Variants in SH2D4B observed in about 807,000 individuals in gnomAD.
SH2D4B encodes SH2 domain-containing protein 4B.
Under a neutral mutation model 61.5 loss-of-function variants are expected in SH2D4B, and 45 were observed. That is an observed-to-expected ratio of 0.73 (90% CI 0.58 to 0.94). The LOEUF is 0.94. SH2D4B is among the 40% of genes least tolerant of loss of function. SH2D4B has a pLI of 0.00. For synonymous variants in SH2D4B, 224 were observed against 220.4 expected (o/e 1.02, Z -0.14); for missense variants, 572 against 574.2 (o/e 1.00, Z 0.04).
chr10:80,566,541 C>T (rs966877162), intron 1 of SH2D4B, among the ~76,000 whole-genome samples: 13 of 152,004 alleles, frequency 8.6e-5, no homozygotes, highest in African/African-American at 3.1e-4. Context: ...GGTGATCTGC[C>T]CACCTTAGCC....
chr10:80,585,408 G>A (rs544606057), intron 3 of SH2D4B, among the ~76,000 whole-genome samples: 45 of 150,386 alleles, frequency 3.0e-4, no homozygotes, highest in African/African-American at 7.6e-4. Context: ...TCCACCTCCC[G>A]GGTTCAAGTG....
intron 6 of SH2D4B, among the ~76,000 whole-genome samples, chr10:80,613,563 G>C (rs1842626454): frequency 6.6e-6 from 1 of 152,248 alleles, no homozygotes; most frequent in African/African-American, 2.4e-5. Flanking sequence ...ATCTCCATGT[G>C]ACCCTGCTCA....
intron 4 of SH2D4B, among the ~76,000 whole-genome samples, chr10:80,598,325 C>T (rs1042516663): frequency 6.6e-6 from 1 of 152,170 alleles, no homozygotes; most frequent in African/African-American, 2.4e-5. Flanking sequence ...AAGAGCAGGG[C>T]TGGTTTCTCA....
At chr10:80,628,491 C>T (rs1452227833) in intron 6 of SH2D4B, among the ~76,000 whole-genome samples, 2 of 152,060 alleles carry the variant, frequency 1.3e-5, no homozygotes, top group Non-Finnish European at 2.9e-5. Context: ...TTTTAAATTG[C>T]CTAGTCTCAA....
At chr10:80,579,383 T>A (rs950479227) in intron 3 of SH2D4B, among the ~76,000 whole-genome samples, 1 of 152,198 alleles carries the variant, frequency 6.6e-6, no homozygotes, top group East Asian at 1.9e-4. Flanking sequence ...TTTACATGCA[T>A]ATAAAAGTGT....
intron 7 of SH2D4B, among the ~76,000 whole-genome samples, chr10:80,640,574 T>C (rs1322795589): frequency 6.6e-6 from 1 of 152,236 alleles, no homozygotes; most frequent in African/African-American, 2.4e-5. Context: ...TTCCACTTGA[T>C]CAAATTGGCT....
intron 4 of SH2D4B, among the ~76,000 whole-genome samples, chr10:80,600,375 C>T (rs534296524): frequency 3.5e-4 from 53 of 152,190 alleles, no homozygotes; most frequent in Non-Finnish European, 3.1e-4. Flanking sequence ...TTCTACAGGA[C>T]ACTGAGCTTT....
At chr10:80,617,482 C>T (rs1052453266) in intron 6 of SH2D4B, among the ~76,000 whole-genome samples, 1 of 152,176 alleles carries the variant, frequency 6.6e-6, no homozygotes, top group African/African-American at 2.4e-5. Flanking sequence ...AAGACAGACT[C>T]CCTGAGTAAA....
At chr10:80,578,077 C>G (rs1026331044) in intron 3 of SH2D4B, among the ~76,000 whole-genome samples, 1 of 151,690 alleles carries the variant, frequency 6.6e-6, no homozygotes, top group Non-Finnish European at 1.5e-5. Context: ...CTCTAGCCAT[C>G]GTCCCACTTC....
chr10:80,631,662 A>G (rs1026226608), intron 6 of SH2D4B, among the ~76,000 whole-genome samples: 16 of 152,250 alleles, frequency 1.1e-4, no homozygotes, highest in Non-Finnish European at 2.1e-4. Flanking sequence ...GACAACATGG[A>G]TGAACCTAGA....
At chr10:80,555,002 CAAAAA>C (rs35160548) in intron 1 of SH2D4B, among the ~76,000 whole-genome samples, 26 of 63,660 alleles carry the variant, frequency 4.1e-4, no homozygotes, top group African/African-American at 1.7e-3. Flanking sequence ...AGGCGAGTCT[CAAAAA>C]AAAAAAAAAA....
intron 3 of SH2D4B, among the ~76,000 whole-genome samples, chr10:80,571,821 G>A (rs1039282999): frequency 6.8e-6 from 1 of 146,032 alleles, no homozygotes; most frequent in Non-Finnish European, 1.5e-5. Context: ...CGCCCAGGCT[G>A]GAGTGCAGTG....
chr10:80,572,115 G>T (rs999656581), intron 3 of SH2D4B, among the ~76,000 whole-genome samples: 1 of 152,138 alleles, frequency 6.6e-6, no homozygotes, highest in Admixed American at 6.5e-5. Flanking sequence ...AACTGAGGGT[G>T]AGACAGAAGA....
chr10:80,634,769 C>T (rs770915679), intron 7 of SH2D4B, among the ~76,000 whole-genome samples: 4 of 152,220 alleles, frequency 2.6e-5, no homozygotes, highest in Admixed American at 1.3e-4. Context: ...CCTTGGGTAC[C>T]TGAGTGCTCC....
intron 3 of SH2D4B, among the ~76,000 whole-genome samples, chr10:80,586,232 C>G (rs1273656674): frequency 6.6e-6 from 1 of 152,178 alleles, no homozygotes; most frequent in East Asian, 1.9e-4. Flanking sequence ...CCAGTCCCAT[C>G]AACCACCCAA....
In SH2D4B at chr10:80,538,482, G is replaced by T; in HGVS notation, c.151G>T (p.Asp51Tyr). The change falls in exon 1 of 8, where the codon GAC (aspartate) becomes TAC (tyrosine). Residue 51 changes from aspartate to tyrosine, a missense_variant. Physicochemically the swap from Asp to Tyr is radical, Grantham distance 160. Coordinates refer to ENST00000646907, the MANE Select transcript of SH2D4B (RefSeq NM_001388272.1). The surrounding 1 kb of genome is among the most constrained non-coding windows in gnomAD (Gnocchi z 4.8). The part of the protein sequence containing the change: ...ERETWEALAQ[D>Y]EGLRPPKTKR... ...GGAGACTTGGGAGGCCCTGGCCCAG[G>T]ACGAGGGTCTCAGGCCTCCAAAGAC... 1 of 1,452,152 alleles carries T rather than the reference G, an allele frequency of 6.9e-7. No homozygotes were observed. Among genetic ancestry groups the T allele is most frequent in the Non-Finnish European group, 9.1e-7 (1 of 1,102,326 alleles). The allele number at this position is 1,452,152 out of a possible 1,614,324, so 90.0% of individuals were successfully genotyped here.
intron 1 of SH2D4B, among the ~76,000 whole-genome samples, chr10:80,565,150 A>T (rs1227556963): frequency 6.6e-6 from 1 of 152,212 alleles, no homozygotes; most frequent in African/African-American, 2.4e-5. Context: ...TGATACTCCT[A>T]AGTTACGGTT....
intron 7 of SH2D4B, among the ~76,000 whole-genome samples, chr10:80,637,998 G>A (rs1286038250): frequency 6.6e-6 from 1 of 152,120 alleles, no homozygotes; most frequent in African/African-American, 2.4e-5. Context: ...AGCATGAAGG[G>A]CTGCTGAATT....
intron 3 of SH2D4B, among the ~76,000 whole-genome samples, chr10:80,585,709 G>A (rs1023684356): frequency 2.0e-5 from 3 of 152,156 alleles, no homozygotes; most frequent in Non-Finnish European, 2.9e-5. Context: ...AGGTGACAGC[G>A]TGCTAGCAGC....
Sources: gnomAD v4.1 joint callset for allele counts (sites outside exome capture counted in the v4.1 genomes callset) on GRCh38, gnomAD v4.1.1 for gene constraint, Gnocchi (gnomAD v3.1) non-coding constraint, MANE v1.5 for transcripts, NCBI Gene and HGNC (gene_info 2026-07-23, HGNC 2026-07-21) for gene names.